Variants in NELL2 observed in about 807,000 individuals in gnomAD.
NELL2 encodes the protein protein kinase C-binding protein NELL2.
Under a neutral mutation model 109.6 loss-of-function variants are expected in NELL2, and 41 were observed. The ratio of observed to expected loss-of-function variants is 0.37; its 90% CI spans 0.29 to 0.49. NELL2 has a LOEUF of 0.49. Ranked by LOEUF, NELL2 falls within the 20% of genes least tolerant of loss-of-function variation. The probability of loss-of-function intolerance (pLI) is 0.98; values close to 1 mark genes in which losing one functional copy is unlikely to be tolerated. For synonymous variants in NELL2, 355 were observed against 344.7 expected (o/e 1.03, Z -0.33); for missense variants, 900 against 1,008.3 (o/e 0.89, Z 1.45).
chr12:44,733,920 G>A (rs937359184), intron 9 of NELL2, among the ~76,000 whole-genome samples: 1 of 151,872 alleles, frequency 6.6e-6, no homozygotes, highest in African/African-American at 2.4e-5. Context: ...GAGCTTTATG[G>A]CACAGCATAA....
intron 1 of NELL2, among the ~76,000 whole-genome samples, chr12:44,899,960 T>G (rs2136879636): frequency 6.6e-6 from 1 of 152,238 alleles, no homozygotes; most frequent in Non-Finnish European, 1.5e-5. Flanking sequence ...GAGGTTGCAA[T>G]TTTAGTCTCT....
At chr12:44,644,954 T>C (rs1274701185) in intron 13 of NELL2, among the ~76,000 whole-genome samples, 8 of 151,774 alleles carry the variant, frequency 5.3e-5, no homozygotes, top group South Asian at 2.1e-4. Flanking sequence ...CCCCAGTGGA[T>C]GGGGAAGAGA....
At chr12:44,819,531 C>T (rs949098090) in intron 2 of NELL2, among the ~76,000 whole-genome samples, 1 of 152,246 alleles carries the variant, frequency 6.6e-6, no homozygotes, top group Non-Finnish European at 1.5e-5. Flanking sequence ...TCTGAGTAGA[C>T]GGATAATTTG....
intron 11 of NELL2, among the ~76,000 whole-genome samples, chr12:44,710,823 G>C (rs1404016414): frequency 1.3e-5 from 2 of 152,060 alleles, no homozygotes; most frequent in Non-Finnish European, 2.9e-5. Flanking sequence ...CTATGGGTGA[G>C]AATTGAGAGT....
intron 1 of NELL2, among the ~76,000 whole-genome samples, chr12:44,891,545 A>G (rs759767088): frequency 1.3e-5 from 2 of 152,150 alleles, no homozygotes; most frequent in Non-Finnish European, 2.9e-5. Flanking sequence ...GTATTATTGA[A>G]TTTTTGTTCA....
In NELL2 at chr12:44,740,484, T is replaced by A. The variant is rs144133260; in HGVS notation, c.995-25743A>T. Among the ~76,000 whole-genome samples the A allele has an allele frequency of 6.5e-3, 992 of 152,274 alleles. 5 individuals carry two copies. Among genetic ancestry groups the A allele is most frequent in the Non-Finnish European group, 0.011 (751 of 67,998 alleles). The stretch of plus-strand genomic sequence containing the variant: ...CTCTTTATTTTTCAGTCAGTTTGCA[T>A]CAAAGTTTGCTGTAACTTGGAGCCA... On this transcript the variant is annotated intron_variant, in intron 9 of 19. Coordinates refer to ENST00000429094, the MANE Select transcript of NELL2 (RefSeq NM_001145108.2).
chr12:44,604,955 A>G lies in NELL2; in HGVS notation c.1663+2214T>C, dbSNP rs11182554. ...AGGATTTGACTGGATGTGAAAGAGG[A>G]CAAGAGGGAAATTGCTCCCTGATGA... On this transcript the variant is annotated intron_variant, in intron 15 of 19. Transcript: ENST00000429094. Among the ~76,000 whole-genome samples, 173 of 152,296 alleles carry G rather than the reference A, an allele frequency of 1.1e-3. 3 individuals are homozygous for G. In the East Asian group the frequency reaches 0.026, roughly 23 times the overall value.
At chr12:44,644,681 C>CT (rs999639138) in intron 13 of NELL2, among the ~76,000 whole-genome samples, 1 of 135,216 alleles carries the variant, frequency 7.4e-6, no homozygotes, top group African/African-American at 2.8e-5. Flanking sequence ...CTCACTATAC[C>CT]TTTTTTTTAT....
At position 44,848,009 on chromosome 12, in the gene NELL2, C is replaced by T. The variant is rs551102138; in HGVS notation, c.184+27216G>A. Among the ~76,000 whole-genome samples the T allele has an allele frequency of 1.0e-4, 14 of 135,974 alleles. No individual in the cohort carries two copies. The East Asian group carries it at 1.3e-3, about 12-fold the overall frequency. 89.2% of individuals were successfully genotyped at this position (135,974 alleles called of 152,430 possible). A position where few individuals can be genotyped will look rare whatever the true frequency, so the allele number is the denominator to read the frequency against. On this transcript the variant is annotated intron_variant, in intron 2 of 19. Coordinates refer to ENST00000429094, the MANE Select transcript of NELL2 (RefSeq NM_001145108.2). ...ATCGCACCACTGCATCCGGTCTGGGCGACAGAGTGAAACTCTGTCTCAAAA... is the reference window on the plus strand; with the variant it reads ...ATCGCACCACTGCATCCGGTCTGGGTGACAGAGTGAAACTCTGTCTCAAAA...
chr12:44,520,577 GA>G (rs778229403), intron 18 of NELL2, among the ~76,000 whole-genome samples: 5 of 152,062 alleles, frequency 3.3e-5, no homozygotes, highest in Non-Finnish European at 7.4e-5. Flanking sequence ...TTGCCCATGT[GA>G]TATCTTTTTC....
intron 15 of NELL2, among the ~76,000 whole-genome samples, chr12:44,587,284 A>AAAAAAAAAAAAAAAAAT: frequency 1.4e-5 from 1 of 72,220 alleles, no homozygotes; most frequent in Non-Finnish European, 2.7e-5. Flanking sequence ...AAAAAAAAAA[A>AAAAAAAAAAAAAAAAAT]ATATATATAT....
At position 44,554,144 on chromosome 12, in the gene NELL2, T is replaced by C. The variant is rs188448071; in HGVS notation, c.1664-21423A>G. On this transcript the variant is annotated intron_variant, in intron 15 of 19. Transcript: ENST00000429094. ...ACTCCAAACTTGAGCTATAAAATAA[T>C]GTAGCCTTCTGATTACAGACGTTTT... is the stretch of plus-strand genomic sequence containing the variant. Among the ~76,000 whole-genome samples the C allele has an allele frequency of 6.6e-5, 10 of 152,312 alleles. No homozygotes were observed. In the South Asian group the frequency reaches 1.5e-3, roughly 22 times the overall value.
intron 5 of NELL2, among the ~76,000 whole-genome samples, chr12:44,779,406 A>C (rs906441085): frequency 6.6e-5 from 10 of 152,216 alleles, no homozygotes; most frequent in Admixed American, 2.0e-4. Context: ...AGGTTAATTC[A>C]AAGAATGACC....
chr12:44,856,672 T>C (rs1944693033), intron 2 of NELL2, among the ~76,000 whole-genome samples: 1 of 152,136 alleles, frequency 6.6e-6, no homozygotes, highest in Non-Finnish European at 1.5e-5. Flanking sequence ...CCACTGGCGT[T>C]AAAGCAAAAT....
intron 3 of NELL2, among the ~76,000 whole-genome samples, chr12:44,806,847 C>G (rs1943017250): frequency 6.6e-6 from 1 of 151,476 alleles, no homozygotes; most frequent in East Asian, 1.9e-4. Flanking sequence ...AGAGACAGCT[C>G]AGAAATGATT....
chr12:44,890,714 T>C (rs1945523471), intron 1 of NELL2, among the ~76,000 whole-genome samples: 1 of 151,770 alleles, frequency 6.6e-6, no homozygotes, highest in Admixed American at 6.6e-5. Context: ...CTTTATTTTC[T>C]TTATTTTTTT....
chr12:44,544,594 T>C (rs889347979), intron 15 of NELL2, among the ~76,000 whole-genome samples: 2 of 152,146 alleles, frequency 1.3e-5, no homozygotes, highest in Non-Finnish European at 2.9e-5. Context: ...TTTCTTTTCA[T>C]TCCAAATTCT....
chr12:44,679,766 G>T (rs1391677032), intron 12 of NELL2, among the ~76,000 whole-genome samples: 2 of 152,044 alleles, frequency 1.3e-5, no homozygotes, highest in Admixed American at 1.3e-4. Flanking sequence ...AACATGTCTT[G>T]CCCTTTCCCT....
chr12:44,784,394 A>C (rs1254765378), intron 3 of NELL2, among the ~76,000 whole-genome samples: 3 of 152,108 alleles, frequency 2.0e-5, no homozygotes, highest in Non-Finnish European at 4.4e-5. Flanking sequence ...GAAAGGAAGA[A>C]GTTAGAAAGT....
Sources: allele counts gnomAD v4.1 joint callset (sites outside exome capture counted in the v4.1 genomes callset), GRCh38; gene constraint gnomAD v4.1.1; transcripts MANE v1.5; gene names NCBI Gene and HGNC (gene_info 2026-07-23, HGNC 2026-07-21).